Variants in LNX1 observed in about 807,000 individuals in gnomAD.
LNX1 encodes E3 ubiquitin-protein ligase LNX.
LNX1 carries 54 observed loss-of-function variants against 68.4 expected under a neutral mutation model. The observed-to-expected ratio is 0.79, with a 90% CI of 0.63 to 0.99. The LOEUF (loss-of-function observed/expected upper bound fraction) is 0.99, where lower values mean the gene tolerates loss of function less well. LNX1 is among the 50% of genes least tolerant of loss of function. The probability of loss-of-function intolerance (pLI) is 0.00; values close to 1 mark genes in which losing one functional copy is unlikely to be tolerated. For missense variants in LNX1, 906 were observed against 926.4 expected (o/e 0.98, Z 0.29); for synonymous variants, 336 against 350.0 (o/e 0.96, Z 0.45).
intron 1 of LNX1, among the ~76,000 whole-genome samples, chr4:53,574,552 C>A (rs1295253955): frequency 2.0e-5 from 3 of 152,164 alleles, no homozygotes; most frequent in Non-Finnish European, 4.4e-5. Flanking sequence ...GAGCTTTCAA[C>A]TAAGTCATCT....
Position 53,575,850 on chromosome 4 carries a change from C to A in LNX1, c.-86-1762G>T, listed in dbSNP as rs970033907. ...AGCTACTAGGGGACCTAAACAGGAG[C>A]ATGTTTAGAAAGTTGCTGAAGTTTG... On this transcript the variant is annotated intron_variant, in intron 1 of 10. Coordinates refer to ENST00000263925, the MANE Select transcript of LNX1 (RefSeq NM_001126328.3). 8 of 1,590,582 alleles carry A rather than the reference C, an allele frequency of 5.0e-6. No individual in the cohort carries two copies. In the African/African-American group the frequency reaches 1.1e-4, roughly 21 times the overall value.
chr4:53,469,338 G>A (rs1182654395), intron 9 of LNX1, among the ~76,000 whole-genome samples: 1 of 152,054 alleles, frequency 6.6e-6, no homozygotes, highest in African/African-American at 2.4e-5. Context: ...CACATTCAAA[G>A]CAGTGTGTAA....
chr4:53,511,963 A>G (rs997459653), intron 2 of LNX1, among the ~76,000 whole-genome samples: 2 of 152,162 alleles, frequency 1.3e-5, no homozygotes, highest in African/African-American at 4.8e-5. Context: ...CCTCCCTTTG[A>G]TCTCTCCAAC....
intron 2 of LNX1, among the ~76,000 whole-genome samples, chr4:53,570,077 T>G (rs1187670481): frequency 9.2e-4 from 139 of 151,600 alleles, no homozygotes; most frequent in Admixed American, 2.1e-3. Context: ...GACTGTAAAC[T>G]AGTTCAACCA....
chr4:53,652,040 AG>A (rs1735123647), intron 1 of LNX1: 1 of 151,978 alleles, frequency 6.6e-6, no homozygotes, highest in African/African-American at 2.4e-5. Context: ...AGAGAGAGAG[AG>A]AGAGAGAGAG....
At position 53,483,781 on chromosome 4, in the gene LNX1, G is replaced by C. The variant is rs1724106652; in HGVS notation, c.1351-1927C>G. Reference sequence around the variant, plus strand: ...CTTCCTATACAGGGATGGTTATTGGGCTAGGGGAGAAAGGTCATGAAATGA... The same window carrying C: ...CTTCCTATACAGGGATGGTTATTGGCCTAGGGGAGAAAGGTCATGAAATGA... On this transcript the variant is annotated intron_variant, in intron 6 of 10. Coordinates refer to ENST00000263925, the MANE Select transcript of LNX1 (RefSeq NM_001126328.3). Among the ~76,000 whole-genome samples, 3 of 152,190 alleles carry C rather than the reference G, an allele frequency of 2.0e-5. No individual in the cohort carries two copies. The South Asian group carries it at 6.2e-4, about 32-fold the overall frequency.
chr4:53,627,869 G>C (rs1242477888), intron 1 of LNX1, among the ~76,000 whole-genome samples: 1 of 152,188 alleles, frequency 6.6e-6, no homozygotes, highest in Non-Finnish European at 1.5e-5. Flanking sequence ...GCCCCTTTGG[G>C]AGATTTGAAG....
chr4:53,509,369 C>G (rs1726162679), intron 2 of LNX1, among the ~76,000 whole-genome samples: 1 of 152,162 alleles, frequency 6.6e-6, no homozygotes, highest in Admixed American at 6.5e-5. Context: ...AGGGATGCTT[C>G]ATGTTTTTGA....
chr4:53,622,858 A>G lies in LNX1; in HGVS notation c.-215+29310T>C, dbSNP rs111253710. ...GCCACAGGACTTGGAAATCTGACCT[A>G]TGTAACTGGAAGCCAATAGCATTTT... is the stretch of plus-strand genomic sequence containing the variant. On this transcript the variant is annotated intron_variant, in intron 1 of 2. Transcript: ENST00000507168. 4.6e-3 allele frequency among the ~76,000 whole-genome samples: 698 copies of G among 152,322 alleles called. 5 individuals are homozygous for G. Among genetic ancestry groups the G allele is most frequent in the African/African-American group, 0.016 (666 of 41,570 alleles).
chr4:53,533,591 G>A (rs935076422), intron 2 of LNX1, among the ~76,000 whole-genome samples: 1 of 152,152 alleles, frequency 6.6e-6, no homozygotes, highest in African/African-American at 2.4e-5. Flanking sequence ...GTAGGGATGA[G>A]GTTTCACTGT....
chr4:53,562,282 C>T (rs1210830032), intron 2 of LNX1, among the ~76,000 whole-genome samples: 17 of 152,202 alleles, frequency 1.1e-4, no homozygotes, highest in African/African-American at 3.4e-4. Context: ...CTGGTAATGG[C>T]CTCCAGTTAG....
intron 2 of LNX1, among the ~76,000 whole-genome samples, chr4:53,565,991 G>A (rs1244847771): frequency 6.6e-6 from 1 of 151,968 alleles, no homozygotes; most frequent in Non-Finnish European, 1.5e-5. Flanking sequence ...AGAAATATGG[G>A]ACTATGTGAA....
chr4:53,491,890 C>T (rs545129391), intron 6 of LNX1, among the ~76,000 whole-genome samples: 104 of 151,484 alleles, frequency 6.9e-4, no homozygotes, highest in South Asian at 4.8e-3. Context: ...CTTCACCTCC[C>T]GGGTTCAAGT....
intron 2 of LNX1, among the ~76,000 whole-genome samples, chr4:53,526,610 G>A (rs1200465741): frequency 6.6e-6 from 1 of 151,502 alleles, no homozygotes; most frequent in Non-Finnish European, 1.5e-5. Flanking sequence ...CTATCTCAAT[G>A]CCTTTCCATG....
chr4:53,574,017 C>T lies in LNX1; in HGVS notation c.-15G>A, dbSNP rs1731335976. ...GGCTGGTTCATGATGGATTGGAGAG[C>T]AGTATAACAGGAAACTCAGTCACAC... On this transcript the variant is annotated 5_prime_UTR_variant, in exon 2 of 11. Transcript: ENST00000263925. 6.3e-7 allele frequency: 1 copy of T among 1,593,686 alleles called. No individual in the cohort carries two copies. Among genetic ancestry groups the T allele is most frequent in the South Asian group, 1.1e-5 (1 of 87,344 alleles).
intron 2 of LNX1, among the ~76,000 whole-genome samples, chr4:53,573,360 CTG>C (rs1731281561): frequency 1.3e-5 from 2 of 152,148 alleles, no homozygotes; most frequent in South Asian, 4.1e-4. Flanking sequence ...TACCACTGAA[CTG>C]TATACTCATA....
In LNX1 at chr4:53,573,727, G is replaced by T; in HGVS notation, c.276C>A (p.Ile92=). 1 of 1,611,402 alleles carries T rather than the reference G, an allele frequency of 6.2e-7. No individual in the cohort carries two copies. The highest frequency in any genetic ancestry group is 8.5e-7 in the Non-Finnish European group (1 of 1,178,874). ...GCTTGTTGAGGAGTTTGTTGACCAGGATGCTGGACTTCTTGCAGTGCTGCA... is the reference window on the plus strand; with the variant it reads ...GCTTGTTGAGGAGTTTGTTGACCAGTATGCTGGACTTCTTGCAGTGCTGCA... ...LVLQHCKKSS[I]LVNKLLNKLL... is the part of the protein sequence containing the mutation. The change falls in exon 2 of 11, where the codon ATC becomes ATA. Residue 92 remains isoleucine, a synonymous_variant. Coordinates refer to ENST00000263925, the MANE Select transcript of LNX1 (RefSeq NM_001126328.3).
intron 1 of LNX1, among the ~76,000 whole-genome samples, chr4:53,577,566 C>T (rs1225202384): frequency 6.6e-6 from 1 of 152,102 alleles, no homozygotes; most frequent in African/African-American, 2.4e-5. Flanking sequence ...CCCACTCCTC[C>T]AGCTCTGCCA....
At chr4:53,536,623 T>C (rs192071864) in intron 2 of LNX1, among the ~76,000 whole-genome samples, 9 of 152,352 alleles carry the variant, frequency 5.9e-5, no homozygotes. Flanking sequence ...TCCATTTCCA[T>C]ATTGCTTCTT....
Sources: gnomAD v4.1 joint callset for allele counts (sites outside exome capture counted in the v4.1 genomes callset) on GRCh38, gnomAD v4.1.1 for gene constraint, MANE v1.5 for transcripts, NCBI Gene and HGNC (gene_info 2026-07-23, HGNC 2026-07-21) for gene names.